The following ABCA9 variants were observed in gnomAD, a reference collection of about 807,000 sequenced individuals.
ABCA9 encodes ATP-binding cassette sub-family A member 9.
In ABCA9, 183 loss-of-function variants were observed where a neutral mutation model predicts 205.3. The ratio of observed to expected loss-of-function variants is 0.89; its 90% CI spans 0.79 to 1.01. The LOEUF (loss-of-function observed/expected upper bound fraction) is 1.01, where lower values mean the gene tolerates loss of function less well. ABCA9 is among the 50% of genes least tolerant of loss of function. ABCA9 has a pLI of 0.00. For synonymous variants in ABCA9, 651 were observed against 683.3 expected (o/e 0.95, Z 0.74); for missense variants, 1,805 against 1,912.4 (o/e 0.94, Z 1.05).
At chr17:69,013,400 T>C (rs1188946885) in intron 22 of ABCA9, among the ~76,000 whole-genome samples, 1 of 152,122 alleles carries the variant, frequency 6.6e-6, no homozygotes, top group Non-Finnish European at 1.5e-5. Context: ...TTACAGCATA[T>C]AAAACTTGCT....
upstream of ABCA9, among the ~76,000 whole-genome samples, chr17:69,064,726 G>A (rs369413634): frequency 2.4e-4 from 37 of 152,276 alleles, no homozygotes; most frequent in East Asian, 3.9e-3. Context: ...TACTCTCCAC[G>A]GCTGTGTCAA....
At chr17:69,042,025 G>A (rs1046870339) in intron 6 of ABCA9, among the ~76,000 whole-genome samples, 1 of 152,134 alleles carries the variant, frequency 6.6e-6, no homozygotes, top group South Asian at 2.1e-4. Context: ...TAATATCACA[G>A]TGTGTAAAGG....
At chr17:68,982,493 A>G in intron 37 of ABCA9, 69 bp downstream of exon 37, 7 of 1,182,912 alleles carry the variant, frequency 5.9e-6, no homozygotes, top group Non-Finnish European at 8.8e-6. Flanking sequence ...TATTTTTAAA[A>G]TACTGGTTCT....
At chr17:69,066,846 C>CAT in the ABCA9 span, among the ~76,000 whole-genome samples, 3 of 152,104 alleles carry the variant, frequency 2.0e-5, no homozygotes, top group African/African-American at 7.2e-5. Context: ...GTCAGGAACT[C>CAT]ATAAGTCCTG....
At chr17:68,997,051 C>G (rs1598347052) in intron 25 of ABCA9, among the ~76,000 whole-genome samples, 1 of 152,356 alleles carries the variant, frequency 6.6e-6, no homozygotes, top group East Asian at 1.9e-4. Context: ...CTGCCTCAGC[C>G]TCCCAAGTAG....
Position 68,976,173 on chromosome 17 carries a change from G to A in ABCA9, c.4738C>T (p.Leu1580=). ...KLEIVKQSFD[L]EEYSLSQSTL... ...GACTGTGAGAGGCTGTACTCCTCCAGGTCGAAACTCTGTTTAACTGCATAA... is the reference window on the plus strand; with the variant it reads ...GACTGTGAGAGGCTGTACTCCTCCAAGTCGAAACTCTGTTTAACTGCATAA... The change falls in exon 38 of 39, where the codon CTG becomes TTG. Residue 1580 remains leucine (L), a synonymous_variant. Transcript: ENST00000340001. The A allele has an allele frequency of 6.2e-7, 1 of 1,613,936 alleles. No homozygotes were observed. Among genetic ancestry groups the A allele is most frequent in the East Asian group, 2.2e-5 (1 of 44,870 alleles).
intron 21 of ABCA9, 43 bp downstream of exon 21, chr17:69,017,613 T>C: frequency 2.5e-6 from 4 of 1,609,054 alleles, no homozygotes; most frequent in South Asian, 1.1e-5. Flanking sequence ...TGTACACCCA[T>C]AGTCCACCTT....
At chr17:69,062,516 ATTTAT>A, upstream of ABCA9, among the ~76,000 whole-genome samples, 1 of 151,564 alleles carries the variant, frequency 6.6e-6, no homozygotes, top group Admixed American at 6.6e-5. Flanking sequence ...TTATTTATTT[ATTTAT>A]TTATTTTGAG....
At chr17:69,001,047 C>G (rs1283856710) in intron 25 of ABCA9, among the ~76,000 whole-genome samples, 1 of 152,100 alleles carries the variant, frequency 6.6e-6, no homozygotes, top group Non-Finnish European at 1.5e-5. Flanking sequence ...TCTAGATATA[C>G]AATCATGTCA....
intron 7 of ABCA9, 84 bp downstream of exon 7, chr17:69,035,576 G>A: frequency 6.5e-7 from 1 of 1,535,310 alleles, no homozygotes; most frequent in African/African-American, 1.4e-5. Flanking sequence ...GAACAAAAGA[G>A]GTGAGACCAG....
chr17:69,047,757 A>G (rs539324564), intron 3 of ABCA9, among the ~76,000 whole-genome samples: 1 of 152,328 alleles, frequency 6.6e-6, no homozygotes, highest in Admixed American at 6.5e-5. Flanking sequence ...AACCTGTCAC[A>G]GTTTGATTAA....
At chr17:68,987,882 A>C (rs1262463613) in intron 31 of ABCA9, among the ~76,000 whole-genome samples, 1 of 151,922 alleles carries the variant, frequency 6.6e-6, no homozygotes, top group African/African-American at 2.4e-5. Context: ...CTCCTGCCTC[A>C]GTCTCCCGAG....
rs772510705 is a variant in ABCA9, at chr17:68,984,097, C to T, written c.4458G>A (p.Ala1486=). 12 of 1,614,046 alleles carry T rather than the reference C, an allele frequency of 7.4e-6. No homozygotes were observed. The highest frequency in any genetic ancestry group is 3.3e-5 in the Admixed American group (2 of 60,002). Reference sequence around the variant, plus strand: ...CCATGATGGCCACTCGGTCACACACCGCCTCAGCCTCTGCCATGTAGTGGG... The same window carrying T: ...CCATGATGGCCACTCGGTCACACACTGCCTCAGCCTCTGCCATGTAGTGGG... ...LTTHYMAEAE[A]VCDRVAIMVS... The change falls in exon 35 of 39, where the codon GCG becomes GCA. Residue 1486 remains alanine, a synonymous_variant. Coordinates refer to ENST00000340001, the MANE Select transcript of ABCA9 (RefSeq NM_080283.4).
chr17:69,001,256 T>C (rs1489374067), intron 25 of ABCA9, among the ~76,000 whole-genome samples: 2 of 152,138 alleles, frequency 1.3e-5, no homozygotes, highest in Admixed American at 6.5e-5. Flanking sequence ...GGCTGTGGGT[T>C]TGTCATAGAT....
intron 26 of ABCA9, 108 bp from the exon 27 acceptor site, chr17:68,993,192 G>T: frequency 1.2e-6 from 1 of 838,438 alleles, no homozygotes; most frequent in South Asian, 1.6e-5. Context: ...ACAACCATTC[G>T]ACCTGATGCT....
chr17:69,043,237 A>G (rs960445336), intron 6 of ABCA9: 1 of 387,240 alleles, frequency 2.6e-6, no homozygotes, highest in East Asian at 4.7e-5. Flanking sequence ...GTGATACTCT[A>G]ATAACGTGGC....
intron 26 of ABCA9, among the ~76,000 whole-genome samples, chr17:68,993,879 T>TCTCTCTGCTG (rs2069532718): frequency 6.6e-6 from 1 of 151,986 alleles, no homozygotes; most frequent in Non-Finnish European, 1.5e-5. Flanking sequence ...CTGCTGATAC[T>TCTCTCTGCTG]ATATTTTTTT....
intron 10 of ABCA9, among the ~76,000 whole-genome samples, chr17:69,031,512 G>T (rs2071147642): frequency 6.6e-6 from 1 of 152,224 alleles, no homozygotes. Flanking sequence ...TTTGAGCAAA[G>T]ATCTGGGGTA....
At chr17:69,053,771 C>T (rs1214436736) in intron 1 of ABCA9, among the ~76,000 whole-genome samples, 1 of 126,824 alleles carries the variant, frequency 7.9e-6, no homozygotes, top group Non-Finnish European at 1.9e-5. Flanking sequence ...ATACTTTAAA[C>T]AGTAATGACT....
Sources: gnomAD v4.1 joint callset for allele counts (sites outside exome capture counted in the v4.1 genomes callset) on GRCh38, gnomAD v4.1.1 for gene constraint, MANE v1.5 for transcripts, NCBI Gene and HGNC (gene_info 2026-07-23, HGNC 2026-07-21) for gene names.